Variants in IFT172 observed in about 807,000 individuals in gnomAD.
IFT172 encodes the protein intraflagellar transport protein 172 homolog.
A neutral mutation model predicts 248.9 loss-of-function variants in IFT172; 164 were observed. The ratio of observed to expected loss-of-function variants is 0.66; its 90% CI spans 0.58 to 0.75. The LOEUF is 0.75. Among genes scored for constraint, IFT172 ranks in the 30% least tolerant of loss-of-function variants. The probability of loss-of-function intolerance (pLI) is 0.00; values close to 1 mark genes in which losing one functional copy is unlikely to be tolerated. For synonymous variants in IFT172, 729 were observed against 791.6 expected (o/e 0.92, Z 1.33); for missense variants, 1,950 against 2,192.4 (o/e 0.89, Z 2.21).
chr2:27,445,093 A>C lies in IFT172; in HGVS notation c.5081T>G (p.Leu1694Arg). The C allele has an allele frequency of 1.2e-6, 2 of 1,614,044 alleles. No individual in the cohort carries two copies. Among genetic ancestry groups the C allele is most frequent in the Non-Finnish European group, 1.7e-6 (2 of 1,180,022 alleles). ...LPCLITGYPI[L>R]RNKIEFKRPG... Reference sequence around the variant, plus strand: ...CCGCTTAAATTCAATTTTGTTCCTCAGAATGGGGTATCCTGTGGAGGAAGA... The same window carrying C: ...CCGCTTAAATTCAATTTTGTTCCTCCGAATGGGGTATCCTGTGGAGGAAGA... The change falls in exon 47 of 48, where the codon CTG (leucine) becomes CGG (arginine). Residue 1694 changes from leucine (L) to arginine (R), a missense_variant. By Grantham distance (102) the Leu-to-Arg change is moderately radical. Coordinates refer to ENST00000260570, the MANE Select transcript of IFT172 (RefSeq NM_015662.3). The surrounding 1 kb of genome is among the most constrained non-coding windows in gnomAD (Gnocchi z 4.4).
chr2:27,447,971 GAA>G, intron 40 of IFT172, 49 bp from the exon 41 acceptor site: 1 of 1,175,008 alleles, frequency 8.5e-7, no homozygotes, highest in South Asian at 1.2e-5. Context: ...AGCTAGAAGA[GAA>G]AGTCACTGGA....
chr2:27,453,427 C>T lies in IFT172; in HGVS notation c.3908G>A (p.Arg1303Gln), dbSNP rs768194578. The change falls in exon 35 of 48, where the codon CGA (arginine) becomes CAA (glutamine). Residue 1303 changes from arginine (R) to glutamine (Q), a missense_variant. Physicochemically the swap from Arg to Gln is conservative, Grantham distance 43 (BLOSUM62 1). Around this residue, in one of 3 missense-constraint regions of IFT172, gnomAD observed 620 missense variants for 699.0 expected, o/e 0.89. Transcript: ENST00000260570. ...CGCCAGGCCGCTGTTTCCAGAGTCTCGCACTTTGAGGTAGCAGTCCACGGC... is the reference window on the plus strand; with the variant it reads ...CGCCAGGCCGCTGTTTCCAGAGTCTTGCACTTTGAGGTAGCAGTCCACGGC... Reference protein sequence around the residue: ...SRAVDCYLKVRDSGNSGLAEK... With the variant: ...SRAVDCYLKVQDSGNSGLAEK... 19 of 1,614,210 alleles carry T rather than the reference C, an allele frequency of 1.2e-5. No individual in the cohort carries two copies. Among genetic ancestry groups the T allele is most frequent in the Non-Finnish European group, 1.6e-5 (19 of 1,180,036 alleles).
chr2:27,445,566 C>T lies in IFT172; in HGVS notation c.4915-117G>A, dbSNP rs1363388649. On this transcript the variant is annotated intron_variant, in intron 45 of 47. Coordinates refer to ENST00000260570, the MANE Select transcript of IFT172 (RefSeq NM_015662.3). This position sits in a 1 kb window ranked among gnomAD's most constrained non-coding sequence, Gnocchi z 4.4. ...CATCCTGTATACCAGCTTTTAGCCA[C>T]GAATCCTCCTTGGATTGGGGGATGC... 1.4e-5 allele frequency: 19 copies of T among 1,335,050 alleles called. No homozygotes were observed. The highest frequency in any genetic ancestry group is 1.5e-5 in the African/African-American group (1 of 68,080). 82.7% of individuals were successfully genotyped at this position (1,335,050 alleles called of 1,614,324 possible).
intron 30 of IFT172, among the ~76,000 whole-genome samples, chr2:27,456,189 G>A (rs1004772770): frequency 6.6e-6 from 1 of 151,850 alleles, no homozygotes; most frequent in African/African-American, 2.4e-5. Flanking sequence ...CCAGCCTGGC[G>A]ACGGAGTGAG....
chr2:27,483,964 A>T, intron 4 of IFT172, 27 bp from the exon 5 acceptor site: 2 of 1,605,834 alleles, frequency 1.2e-6, no homozygotes, highest in Non-Finnish European at 1.7e-6. Context: ...AATGAAAAGG[A>T]TAACCCCATC....
chr2:27,484,757 A>G (rs1479382530), intron 3 of IFT172, among the ~76,000 whole-genome samples: 1 of 152,186 alleles, frequency 6.6e-6, no homozygotes, highest in Non-Finnish European at 1.5e-5. Flanking sequence ...CTTCAGAACA[A>G]TAACAAAGAT....
intron 10 of IFT172, 64 bp downstream of exon 10, chr2:27,479,445 G>C (rs1226207260): frequency 2.2e-6 from 2 of 908,848 alleles, no homozygotes; most frequent in African/African-American, 3.2e-5. Flanking sequence ...AGAAGGCAGG[G>C]AAATGTTATA....
At chr2:27,458,380 A>G (rs1203328894) in intron 26 of IFT172, among the ~76,000 whole-genome samples, 157 bp from the exon 27 acceptor site, 1 of 152,210 alleles carries the variant, frequency 6.6e-6, no homozygotes, top group Non-Finnish European at 1.5e-5. Flanking sequence ...TTCCAAGTCC[A>G]TAAGAAGCAG....
In IFT172 at chr2:27,465,571, ACAG is replaced by A. The variant is rs113179401; in HGVS notation, c.1830-56_1830-54del. On this transcript the variant is annotated intron_variant, in intron 17 of 47. Coordinates refer to ENST00000260570, the MANE Select transcript of IFT172 (RefSeq NM_015662.3). ...TGAATGAGGAATGGGTTAGGAAGAT[ACAG>A]CAGAAGACTGGTGATGGGGCAAGGG... The A allele has an allele frequency of 5.0e-4, 796 of 1,579,336 alleles. 2 individuals carry two copies. In the African/African-American group the frequency reaches 9.6e-3, roughly 19 times the overall value.
intron 8 of IFT172, 76 bp downstream of exon 8, chr2:27,480,970 C>A: frequency 8.7e-7 from 1 of 1,155,386 alleles, no homozygotes; most frequent in Non-Finnish European, 1.3e-6. Flanking sequence ...CGCACTCTGG[C>A]TCAGAATAAT....
chr2:27,488,152 A>T (rs866241096), intron 1 of IFT172, among the ~76,000 whole-genome samples: 25 of 150,680 alleles, frequency 1.7e-4, no homozygotes, highest in African/African-American at 5.4e-4. Context: ...GAGGCTATTT[A>T]AAAAAAATTT....
At position 27,477,630 on chromosome 2, in the gene IFT172, T is replaced by C. The variant is rs779084703; in HGVS notation, c.1168-18A>G. The C allele has an allele frequency of 6.4e-7, 1 of 1,572,540 alleles. No individual in the cohort carries two copies. Among genetic ancestry groups the C allele is most frequent in the Non-Finnish European group, 8.8e-7 (1 of 1,142,092 alleles). The stretch of plus-strand genomic sequence containing the variant: ...CAGGCTATCTGTAACGGGAGAAGAC[T>C]TAAGAAGCAATGTGGATAAATACCC... On this transcript the variant is annotated intron_variant, in intron 11 of 47. Transcript: ENST00000260570.
rs1668098998 is a variant in IFT172, at chr2:27,478,098, T to C, written c.1064A>G (p.Tyr355Cys). ...TAGGATTTTCACCTCTTCCACCTCATAGCCATAGTGTGACTTGAGCACCAC... is the reference window on the plus strand; with the variant it reads ...TAGGATTTTCACCTCTTCCACCTCACAGCCATAGTGTGACTTGAGCACCAC... ...TRVVLKSHYGYEVEEVKILGK... is the reference protein window; with the variant it reads ...TRVVLKSHYGCEVEEVKILGK... Residue 355 changes from tyrosine to cysteine, a missense_variant, in exon 11 of 48, where the codon TAT becomes TGT. Physicochemically the swap from Tyr to Cys is radical, Grantham distance 194. Transcript: ENST00000260570. 1.9e-6 allele frequency: 3 copies of C among 1,614,180 alleles called. No homozygotes were observed. The highest frequency in any genetic ancestry group is 2.5e-6 in the Non-Finnish European group (3 of 1,180,030).
chr2:27,473,460 G>A (rs1252238580), intron 14 of IFT172, among the ~76,000 whole-genome samples: 1 of 142,662 alleles, frequency 7.0e-6, no homozygotes, highest in East Asian at 2.4e-4. Context: ...ACAGGCGCCA[G>A]CCACCACGAC....
chr2:27,473,067 T>C (rs903406283), intron 14 of IFT172, among the ~76,000 whole-genome samples: 37 of 152,048 alleles, frequency 2.4e-4, no homozygotes, highest in Admixed American at 2.6e-4. Context: ...AATCTTCCTT[T>C]AATTAAAAAG....
intron 42 of IFT172, among the ~76,000 whole-genome samples, chr2:27,447,099 T>TC (rs1334375533): frequency 6.6e-6 from 1 of 152,178 alleles, no homozygotes; most frequent in African/African-American, 2.4e-5. Flanking sequence ...CGCCTCGGCC[T>TC]CCCAAAGTGC....
chr2:27,481,861 C>A (rs990407926), intron 7 of IFT172, among the ~76,000 whole-genome samples: 31 of 151,830 alleles, frequency 2.0e-4, no homozygotes, highest in Admixed American at 2.6e-4. Flanking sequence ...TTTTAATATG[C>A]ACCTGGTAAA....
chr2:27,463,389 T>C (rs925746279), intron 18 of IFT172, among the ~76,000 whole-genome samples: 3 of 152,068 alleles, frequency 2.0e-5, no homozygotes, highest in Admixed American at 2.0e-4. Context: ...AAATTGGAGA[T>C]AATAAAAAAT....
Position 27,461,360 on chromosome 2 carries a change from C to T in IFT172, c.2351G>A (p.Arg784Gln), listed in dbSNP as rs370097039. The T allele has an allele frequency of 2.5e-5, 40 of 1,614,040 alleles. No homozygotes were observed. Among genetic ancestry groups the T allele is most frequent in the South Asian group, 1.2e-4 (11 of 91,082 alleles). Residue 784 changes from arginine to glutamine, a missense_variant, in exon 22 of 48, where the codon CGG becomes CAG. This residue lies in a region of IFT172 where 1,166 missense variants were observed against 1,254.1 expected (regional missense o/e 0.93). Coordinates refer to ENST00000260570, the MANE Select transcript of IFT172 (RefSeq NM_015662.3). ...LKAGLPAKAA[R>Q]LVLTREELLA... Reference sequence around the variant, plus strand: ...CAGTTCCTCTCGGGTCAGCACCAGCCGAGCAGCTTTGGCAGGGAGCCCAGC... The same window carrying T: ...CAGTTCCTCTCGGGTCAGCACCAGCTGAGCAGCTTTGGCAGGGAGCCCAGC...
Sources: allele counts gnomAD v4.1 joint callset (sites outside exome capture counted in the v4.1 genomes callset), GRCh38; gene constraint gnomAD v4.1.1; regional missense constraint gnomAD v4.1.1; non-coding constraint Gnocchi (gnomAD v3.1); transcripts MANE v1.5; gene names NCBI Gene and HGNC (gene_info 2026-07-23, HGNC 2026-07-21).